AGPAT3: variants seen among roughly 807,000 people sequenced by gnomAD.
AGPAT3 encodes the protein 1-acylglycerol-3-phosphate O-acyltransferase 3, also known as 1-acyl-sn-glycerol-3-phosphate acyltransferase gamma.
AGPAT3 carries 5 observed loss-of-function variants against 47.3 expected under a neutral mutation model. The observed-to-expected ratio is 0.11, with a 90% CI of 0.06 to 0.22. The LOEUF (loss-of-function observed/expected upper bound fraction) is 0.22. AGPAT3 is among the 10% of genes least tolerant of loss of function. The pLI, the probability that AGPAT3 is intolerant of heterozygous loss-of-function variation, is 1.00. For missense variants in AGPAT3, 315 were observed against 493.0 expected, an observed-to-expected ratio of 0.64 and a Z score of 3.42; for synonymous variants, 212 against 208.3, an observed-to-expected ratio of 1.02 and a Z score of -0.15.
intron 2 of AGPAT3, among the ~76,000 whole-genome samples, chr21:43,938,530 G>A (rs949787447): frequency 6.6e-6 from 1 of 152,022 alleles, no homozygotes; most frequent in African/African-American, 2.4e-5. Context: ...CTGACCTCAG[G>A]TGATCCACCA....
intron 2 of AGPAT3, among the ~76,000 whole-genome samples, chr21:43,905,155 ATATTTATTTATTTATTTATT>A (rs71334019): frequency 0.012 from 1,681 of 138,538 alleles, 40 homozygotes; most frequent in African/African-American, 0.04. Context: ...TTTAAAAAAA[ATATTTATTTATTTATTTATT>A]TATTTATTTA....
intron 3 of AGPAT3, among the ~76,000 whole-genome samples, chr21:43,964,287 A>T (rs1356645308): frequency 1.3e-5 from 2 of 152,160 alleles, no homozygotes; most frequent in South Asian, 4.1e-4. Context: ...CAGGAGGCAG[A>T]GGCAGGAGAA....
intron 1 of AGPAT3, among the ~76,000 whole-genome samples, chr21:43,902,849 A>G (rs1431590716): frequency 6.6e-6 from 1 of 152,150 alleles, no homozygotes; most frequent in African/African-American, 2.4e-5. Context: ...AAATTTAAAA[A>G]ATTATCTGGG....
In AGPAT3 at chr21:43,954,118, C is replaced by T. The variant is rs1488289226; in HGVS notation, c.-48-5516C>T. Among the ~76,000 whole-genome samples the T allele has an allele frequency of 6.6e-6, 1 of 152,240 alleles. No individual in the cohort carries two copies. Among genetic ancestry groups the T allele is most frequent in the East Asian group, 1.9e-4 (1 of 5,206 alleles). On this transcript the variant is annotated intron_variant, in intron 2 of 9. Transcript: ENST00000291572. This position sits in a 1 kb window ranked among gnomAD's most constrained non-coding sequence, Gnocchi z 4.0. ...CTCACGAGCAAATGCTCTAGGGGGC[C>T]ACTGAGTCCAGGCCCCTCCCAATGC...
intron 8 of AGPAT3, among the ~76,000 whole-genome samples, chr21:43,978,921 C>G (rs2089727692): frequency 6.6e-6 from 1 of 152,146 alleles, no homozygotes; most frequent in Non-Finnish European, 1.5e-5. Flanking sequence ...CCACTGTCGG[C>G]CTTGTGGGAG....
At chr21:43,927,553 A>G (rs2087098097) in intron 2 of AGPAT3, among the ~76,000 whole-genome samples, 1 of 152,224 alleles carries the variant, frequency 6.6e-6, no homozygotes, top group African/African-American at 2.4e-5. Context: ...TCCCGTCTTA[A>G]ATTGCAGCAG....
At position 43,904,038 on chromosome 21, in the gene AGPAT3, C is replaced by T. The variant is rs964579057; in HGVS notation, c.-49+19C>T. On this transcript the variant is annotated intron_variant, in intron 2 of 9. Transcript: ENST00000291572. ...TGCCTTGGTAAGTGGGCAGTGAGGC[C>T]GCCTGACGCAGGGCGCCGTGTGTGA... The T allele has an allele frequency of 1.3e-5, 2 of 151,524 alleles. No homozygotes were observed. The highest frequency in any genetic ancestry group is 4.9e-5 in the African/African-American group (2 of 41,080). The allele number at this position is 151,524 out of a possible 1,614,324, so 9.4% of individuals were successfully genotyped here. A position where few individuals can be genotyped will look rare whatever the true frequency, so the allele number is the denominator to read the frequency against.
Position 43,982,919 on chromosome 21 carries a change from A to G in AGPAT3, c.*527A>G, listed in dbSNP as rs941890749. On this transcript the variant is annotated 3_prime_UTR_variant, in exon 10 of 10. Coordinates refer to ENST00000291572, the MANE Select transcript of AGPAT3 (RefSeq NM_020132.5). This position sits in a 1 kb window ranked among gnomAD's most constrained non-coding sequence, Gnocchi z 6.2. ...GGCCCCGTGGAGGGCGCCCGTAGTG[A>G]TAAGCACACCGGCACGAACGTCAGG... 1 of 153,940 alleles carries G rather than the reference A, an allele frequency of 6.5e-6. No homozygotes were observed. Among genetic ancestry groups the G allele is most frequent in the Non-Finnish European group, 1.4e-5 (1 of 69,434 alleles). 9.5% of individuals were successfully genotyped at this position (153,940 alleles called of 1,614,324 possible). A position where few individuals can be genotyped will look rare whatever the true frequency, so the allele number is the denominator to read the frequency against.
chr21:43,870,544 T>G (rs2085602624), intron 1 of AGPAT3, among the ~76,000 whole-genome samples: 1 of 150,686 alleles, frequency 6.6e-6, no homozygotes, highest in South Asian at 2.1e-4. Context: ...AAACCCCATC[T>G]CTACTTAAAA....
Position 43,967,935 on chromosome 21 carries a change from C to T in AGPAT3, c.179-11C>T, listed in dbSNP as rs773204898. 2.5e-6 allele frequency: 4 copies of T among 1,612,424 alleles called. No individual in the cohort carries two copies. The highest frequency in any genetic ancestry group is 3.4e-6 in the Non-Finnish European group (4 of 1,178,832). The stretch of plus-strand genomic sequence containing the variant: ...GTCCTACCAGTGCCAACGCCCTCCC[C>T]CTGTCCGCAGAACTGGTCATGCTGC... On this transcript the variant is annotated splice_polypyrimidine_tract_variant and intron_variant, in intron 3 of 9. Transcript: ENST00000291572.
At chr21:43,974,097 G>C (rs952361729) in intron 7 of AGPAT3, among the ~76,000 whole-genome samples, 1 of 152,110 alleles carries the variant, frequency 6.6e-6, no homozygotes, top group East Asian at 1.9e-4. Flanking sequence ...TGTATGTGTG[G>C]TGTGTATTAT....
At position 43,984,118 on chromosome 21, in the gene AGPAT3, A is replaced by G. The variant is rs761827230; in HGVS notation, c.*1726A>G. The G allele has an allele frequency of 1.3e-5, 2 of 152,278 alleles. No individual in the cohort carries two copies. The highest frequency in any genetic ancestry group is 2.9e-5 in the Non-Finnish European group (2 of 68,068). 9.4% of individuals were successfully genotyped at this position (152,278 alleles called of 1,614,324 possible). A position where few individuals can be genotyped will look rare whatever the true frequency, so the allele number is the denominator to read the frequency against. On this transcript the variant is annotated 3_prime_UTR_variant, in exon 10 of 10. Coordinates refer to ENST00000291572, the MANE Select transcript of AGPAT3 (RefSeq NM_020132.5). Reference sequence around the variant, plus strand: ...CTCGCAGGGGTGAAGGGGCAGACCAACGAAACCAGATGAGACCAACGACAC... The same window carrying G: ...CTCGCAGGGGTGAAGGGGCAGACCAGCGAAACCAGATGAGACCAACGACAC...
chr21:43,875,709 G>C (rs543825896), intron 1 of AGPAT3, among the ~76,000 whole-genome samples: 1 of 152,326 alleles, frequency 6.6e-6, no homozygotes, highest in African/African-American at 2.4e-5. Context: ...TTGGGTTCAA[G>C]TGATTCTCCT....
At chr21:43,898,845 T>C (rs1234207399) in intron 1 of AGPAT3, among the ~76,000 whole-genome samples, 1 of 152,168 alleles carries the variant, frequency 6.6e-6, no homozygotes, top group Non-Finnish European at 1.5e-5. Context: ...TAAATTCTTT[T>C]TTACTTTTGA....
chr21:43,882,320 T>C (rs967163280), intron 1 of AGPAT3, among the ~76,000 whole-genome samples: 15 of 152,262 alleles, frequency 9.9e-5, no homozygotes, highest in African/African-American at 3.6e-4. Flanking sequence ...AGTATGGAAA[T>C]AGGTTTCGTA....
At chr21:43,876,348 C>G (rs541544587) in intron 1 of AGPAT3, among the ~76,000 whole-genome samples, 15 of 152,338 alleles carry the variant, frequency 9.8e-5, no homozygotes, top group African/African-American at 3.6e-4. Context: ...CTCTTGCTCC[C>G]TGATCCTTGC....
At chr21:43,876,288 A>G (rs879939285) in intron 1 of AGPAT3, among the ~76,000 whole-genome samples, 6 of 152,204 alleles carry the variant, frequency 3.9e-5, no homozygotes, top group Non-Finnish European at 5.9e-5. Flanking sequence ...ATTAACAAAT[A>G]CTAAAATTTG....
intron 1 of AGPAT3, among the ~76,000 whole-genome samples, chr21:43,874,207 G>T (rs556479844): frequency 1.3e-5 from 2 of 152,150 alleles, no homozygotes; most frequent in African/African-American, 4.8e-5. Context: ...TGTATTTTTA[G>T]TAGAGACAGG....
At chr21:43,906,551 T>G (rs1455961717) in intron 2 of AGPAT3, among the ~76,000 whole-genome samples, 1 of 151,102 alleles carries the variant, frequency 6.6e-6, no homozygotes, top group African/African-American at 2.4e-5. Flanking sequence ...AAGGCCAGAG[T>G]TGATGAGGAG....
Sources: allele counts gnomAD v4.1 joint callset (sites outside exome capture counted in the v4.1 genomes callset), GRCh38; gene constraint gnomAD v4.1.1; non-coding constraint Gnocchi (gnomAD v3.1); transcripts MANE v1.5; gene names NCBI Gene and HGNC (gene_info 2026-07-23, HGNC 2026-07-21).